The following AQP7B variants were observed in gnomAD, a reference collection of about 807,000 sequenced individuals.
AQP7B encodes the protein aquaporin 7B.
At chr2:94,603,896 C>G in the AQP7B span, 1 of 1,336,392 alleles carries the variant, frequency 7.5e-7, no homozygotes, top group African/African-American at 1.4e-5. Context: ...AGCATCTTCA[C>G]CTTCATTGCT....
the AQP7B span, among the ~76,000 whole-genome samples, chr2:94,595,818 G>T: frequency 1.3e-5 from 2 of 152,146 alleles, no homozygotes; most frequent in East Asian, 3.9e-4. Context: ...AGGGTGAGAG[G>T]CAAGATGCCT....
chr2:94,599,392 C>G, the AQP7B span, among the ~76,000 whole-genome samples: 2 of 152,128 alleles, frequency 1.3e-5, no homozygotes, highest in Non-Finnish European at 2.9e-5. Context: ...CCCACCATAT[C>G]TGGGCTATTT....
chr2:94,589,826 T>G, the AQP7B span, among the ~76,000 whole-genome samples: 432 of 152,112 alleles, frequency 2.8e-3, 2 homozygotes, highest in African/African-American at 9.8e-3. Flanking sequence ...AGGGGTCCCC[T>G]TCTCTTCAGT....
the AQP7B span, among the ~76,000 whole-genome samples, chr2:94,599,919 C>T: frequency 6.6e-6 from 1 of 151,466 alleles, no homozygotes; most frequent in Non-Finnish European, 1.5e-5. Flanking sequence ...TGCTCTGTCG[C>T]CCAGGCTGGA....
At chr2:94,599,677 T>G in the AQP7B span, among the ~76,000 whole-genome samples, 1 of 151,984 alleles carries the variant, frequency 6.6e-6, no homozygotes, top group Non-Finnish European at 1.5e-5. Flanking sequence ...TCTGTCCTTT[T>G]TCTCTGTCCT....
chr2:94,603,731 TC>T, the AQP7B span: 1 of 1,508,192 alleles, frequency 6.6e-7, no homozygotes. Flanking sequence ...ACCAGGATGC[TC>T]CAGCTGTGTC....
At chr2:94,592,402 C>A in the AQP7B span, among the ~76,000 whole-genome samples, 1 of 152,180 alleles carries the variant, frequency 6.6e-6, no homozygotes, top group Non-Finnish European at 1.5e-5. Flanking sequence ...TTCCTTACCC[C>A]AGAGAAACAA....
At chr2:94,602,798 C>A in the AQP7B span, among the ~76,000 whole-genome samples, 2 of 152,178 alleles carry the variant, frequency 1.3e-5, no homozygotes, top group African/African-American at 2.4e-5. Flanking sequence ...TTTCTGGGCC[C>A]CCCTGACCTA....
the AQP7B span, chr2:94,588,555 C>A: frequency 1.9e-5 from 15 of 797,358 alleles, no homozygotes; most frequent in African/African-American, 2.6e-4. Context: ...GCGGTAAGTA[C>A]CCCACCCTCT....
At chr2:94,588,210 G>A in the AQP7B span, among the ~76,000 whole-genome samples, 8 of 152,164 alleles carry the variant, frequency 5.3e-5, no homozygotes, top group South Asian at 8.3e-4. Context: ...GAGGCTGAGG[G>A]CATCTCCACA....
the AQP7B span, among the ~76,000 whole-genome samples, chr2:94,601,533 C>T: frequency 6.6e-6 from 1 of 152,120 alleles, no homozygotes; most frequent in African/African-American, 2.4e-5. Flanking sequence ...TGCTGGAGCC[C>T]TTGGAGAGAG....
the AQP7B span, among the ~76,000 whole-genome samples, chr2:94,589,173 T>G: frequency 6.6e-6 from 1 of 151,572 alleles, no homozygotes; most frequent in African/African-American, 2.4e-5. Context: ...TGTTGTTTTT[T>G]TTTTTTTGTA....
the AQP7B span, chr2:94,588,525 G>C: frequency 1.2e-6 from 1 of 847,896 alleles, no homozygotes; most frequent in East Asian, 2.7e-5. Flanking sequence ...ACAAAACATG[G>C]TTCAAGCATC....
the AQP7B span, among the ~76,000 whole-genome samples, chr2:94,589,627 T>C: frequency 1.3e-5 from 2 of 152,200 alleles, no homozygotes; most frequent in Non-Finnish European, 2.9e-5. Context: ...TTGCCTGTTG[T>C]ATACTTGGAC....
the AQP7B span, among the ~76,000 whole-genome samples, chr2:94,590,332 A>G: frequency 2.9e-3 from 438 of 150,204 alleles, 2 homozygotes; most frequent in African/African-American, 1.0e-2. Flanking sequence ...ACAGGCACCT[A>G]CCACCACGCC....
chr2:94,596,451 C>T, the AQP7B span, among the ~76,000 whole-genome samples: 1 of 152,116 alleles, frequency 6.6e-6, no homozygotes, highest in African/African-American at 2.4e-5. Context: ...GTGACAGAGG[C>T]TGTTTGTGTG....
the AQP7B span, among the ~76,000 whole-genome samples, chr2:94,600,322 A>T: frequency 1.3e-5 from 2 of 152,224 alleles, no homozygotes. Context: ...CATCTGTATA[A>T]TTTAAATTTT....
At chr2:94,593,480 C>CTTTTTTTTTTTTTTTTTTTT in the AQP7B span, among the ~76,000 whole-genome samples, 1 of 113,956 alleles carries the variant, frequency 8.8e-6, no homozygotes, top group Non-Finnish European at 1.8e-5. Context: ...TCCTCTTCCT[C>CTTTTTTTTTTTTTTTTTTTT]TTTTTTTTTT....
At chr2:94,596,628 G>T in the AQP7B span, among the ~76,000 whole-genome samples, 9 of 152,170 alleles carry the variant, frequency 5.9e-5, no homozygotes, top group Non-Finnish European at 1.2e-4. Context: ...GGGCTTTGGA[G>T]CTGTGTTTGA....
Sources: allele counts gnomAD v4.1 joint callset (sites outside exome capture counted in the v4.1 genomes callset), GRCh38; gene constraint gnomAD v4.1.1; transcripts MANE v1.5; gene names NCBI Gene and HGNC (gene_info 2026-07-23, HGNC 2026-07-21).